The following PREX1 variants were observed in gnomAD, a reference collection of about 807,000 sequenced individuals.
The protein encoded by PREX1 is phosphatidylinositol-3,4,5-trisphosphate dependent Rac exchange factor 1.
In PREX1, 41 loss-of-function variants were observed where a neutral mutation model predicts 198.3. That is an observed-to-expected ratio of 0.21 (90% confidence interval 0.16 to 0.27). The LOEUF (loss-of-function observed/expected upper bound fraction) is 0.27. PREX1 is among the 10% of genes least tolerant of loss of function. The pLI, the probability that PREX1 is intolerant of heterozygous loss-of-function variation, is 1.00. For synonymous variants in PREX1, 843 were observed against 887.2 expected, an observed-to-expected ratio of 0.95 and a Z score of 0.89; for missense variants, 1,620 against 2,200.7, an observed-to-expected ratio of 0.74 and a Z score of 5.28.
chr20:48,637,311 T>A (rs1390894786), intron 31 of PREX1, among the ~76,000 whole-genome samples: 1 of 152,212 alleles, frequency 6.6e-6, no homozygotes, highest in Non-Finnish European at 1.5e-5. Flanking sequence ...TAGCACCCCC[T>A]TGGCTAATTT....
At chr20:48,705,722 C>A (rs1488568413) in intron 6 of PREX1, among the ~76,000 whole-genome samples, 1 of 152,214 alleles carries the variant, frequency 6.6e-6, no homozygotes, top group Non-Finnish European at 1.5e-5. Flanking sequence ...GAACAAACTG[C>A]ATTTTAAAAA....
At chr20:48,675,142 T>C (rs562473260) in intron 14 of PREX1, among the ~76,000 whole-genome samples, 2 of 152,368 alleles carry the variant, frequency 1.3e-5, no homozygotes, top group African/African-American at 4.8e-5. Flanking sequence ...TTGAGAGGTA[T>C]GGCCATCAGG....
At chr20:48,697,369 TTC>T (rs1555836248) in intron 7 of PREX1, among the ~76,000 whole-genome samples, 2 of 44,882 alleles carry the variant, frequency 4.5e-5, no homozygotes, top group South Asian at 1.8e-3. Context: ...AGCCTCTGTG[TTC>T]TTTTTTTCTT....
chr20:48,715,088 A>C (rs1173399149), intron 5 of PREX1, among the ~76,000 whole-genome samples: 1 of 152,260 alleles, frequency 6.6e-6, no homozygotes, highest in African/African-American at 2.4e-5. Flanking sequence ...TGGTACTGAA[A>C]ACCCTGGAAT....
chr20:48,724,937 C>T (rs1188786713), intron 5 of PREX1, among the ~76,000 whole-genome samples: 1 of 152,238 alleles, frequency 6.6e-6, no homozygotes, highest in African/African-American at 2.4e-5. Flanking sequence ...ATGGCAACAA[C>T]AAGTGCTGAA....
intron 1 of PREX1, among the ~76,000 whole-genome samples, chr20:48,807,209 C>T (rs917271833): frequency 3.3e-5 from 5 of 152,216 alleles, no homozygotes; most frequent in Non-Finnish European, 7.3e-5. Flanking sequence ...CACTCCCCCC[C>T]ATTCTCAGCC....
chr20:48,729,552 C>T (rs553784135), intron 4 of PREX1, among the ~76,000 whole-genome samples: 1 of 152,314 alleles, frequency 6.6e-6, no homozygotes, highest in Admixed American at 6.5e-5. Context: ...CTCTCCTACC[C>T]TAGCCTGCAC....
chr20:48,723,814 G>C (rs919809621), intron 5 of PREX1, among the ~76,000 whole-genome samples: 2 of 152,098 alleles, frequency 1.3e-5, no homozygotes, highest in Non-Finnish European at 2.9e-5. Context: ...CCTCAGAAAT[G>C]CCTGGGCCTC....
Position 48,827,632 on chromosome 20 carries a change from C to T in PREX1, c.219+10G>A. ...GGAAAGCTGTCCCCAAGCTCCCGAG[C>T]GACACTCACCGACTGCAAGAAGCGC... On this transcript the variant is annotated intron_variant, in intron 1 of 39. Coordinates refer to ENST00000371941, the MANE Select transcript of PREX1 (RefSeq NM_020820.4). The surrounding 1 kb of genome is among the most constrained non-coding windows in gnomAD (Gnocchi z 4.1). The T allele has an allele frequency of 7.7e-7, 1 of 1,291,284 alleles. No homozygotes were observed. The highest frequency in any genetic ancestry group is 2.7e-5 in the South Asian group (1 of 37,036). The allele number at this position is 1,291,284 out of a possible 1,614,324, so 80.0% of individuals were successfully genotyped here.
At chr20:48,796,005 G>C (rs752742351) in intron 1 of PREX1, among the ~76,000 whole-genome samples, 1 of 152,206 alleles carries the variant, frequency 6.6e-6, no homozygotes, top group African/African-American at 2.4e-5. Context: ...CTGGAAAGCT[G>C]CACACCAGCC....
chr20:48,806,516 G>A (rs2090412433), intron 1 of PREX1, among the ~76,000 whole-genome samples: 2 of 152,242 alleles, frequency 1.3e-5, no homozygotes, highest in South Asian at 4.1e-4. Context: ...GGTACCAAAT[G>A]AAACATCTTT....
chr20:48,777,809 A>G (rs113511294), intron 1 of PREX1, among the ~76,000 whole-genome samples: 28 of 152,324 alleles, frequency 1.8e-4, no homozygotes, highest in African/African-American at 6.7e-4. Context: ...GAACAATGCC[A>G]AAAACACAGC....
At chr20:48,674,443 T>A (rs2089695347) in intron 14 of PREX1, among the ~76,000 whole-genome samples, 1 of 152,246 alleles carries the variant, frequency 6.6e-6, no homozygotes. Context: ...AACATAAAGC[T>A]GCACTCTGTA....
intron 21 of PREX1, 110 bp downstream of exon 21, chr20:48,652,476 G>A (rs919008910): frequency 3.6e-6 from 5 of 1,400,290 alleles, no homozygotes; most frequent in Non-Finnish European, 4.8e-6. Context: ...CTGGCATGGA[G>A]GTGGACTGGC....
At chr20:48,688,010 G>A (rs544250873) in intron 10 of PREX1, among the ~76,000 whole-genome samples, 1 of 152,122 alleles carries the variant, frequency 6.6e-6, no homozygotes, top group African/African-American at 2.4e-5. Context: ...AGGACTGCCA[G>A]CCTCCAGAAC....
At chr20:48,705,014 A>T (rs2123078537) in intron 6 of PREX1, among the ~76,000 whole-genome samples, 1 of 152,340 alleles carries the variant, frequency 6.6e-6, no homozygotes, top group African/African-American at 2.4e-5. Context: ...CCATCTAAAA[A>T]AATAAATAAA....
At chr20:48,728,554 G>A (rs1001014400) in intron 4 of PREX1, among the ~76,000 whole-genome samples, 2 of 152,250 alleles carry the variant, frequency 1.3e-5, no homozygotes, top group African/African-American at 4.8e-5. Context: ...GATTGAGGCT[G>A]CGGCAGCTGG....
chr20:48,703,383 G>A (rs970701649), intron 6 of PREX1, among the ~76,000 whole-genome samples: 2 of 152,190 alleles, frequency 1.3e-5, no homozygotes, highest in Admixed American at 1.3e-4. Flanking sequence ...ATGCTGGCAT[G>A]CCCACAGGCA....
At chr20:48,787,443 C>G (rs1205234579) in intron 1 of PREX1, among the ~76,000 whole-genome samples, 7 of 151,500 alleles carry the variant, frequency 4.6e-5, no homozygotes, top group African/African-American at 1.7e-4. Flanking sequence ...TTTGAAGGAA[C>G]AGCGAATGCC....
Sources: allele counts gnomAD v4.1 joint callset (sites outside exome capture counted in the v4.1 genomes callset), GRCh38; gene constraint gnomAD v4.1.1; non-coding constraint Gnocchi (gnomAD v3.1); transcripts MANE v1.5; gene names NCBI Gene and HGNC (gene_info 2026-07-23, HGNC 2026-07-21).